Variants in RARB observed in about 807,000 individuals in gnomAD.
RARB encodes retinoic acid receptor beta.
Under a neutral mutation model 51.9 loss-of-function variants are expected in RARB, and 17 were observed. That is an observed-to-expected ratio of 0.33 (90% CI 0.22 to 0.49). The LOEUF is 0.49. Ranked by LOEUF, RARB falls within the 20% of genes least tolerant of loss-of-function variation. The pLI is 0.99. For synonymous variants in RARB, 215 were observed against 195.4 expected, an observed-to-expected ratio of 1.10 and a Z score of -0.84; for missense variants, 369 against 550.8, an observed-to-expected ratio of 0.67 and a Z score of 3.30.
intron 2 of RARB, among the ~76,000 whole-genome samples, chr3:25,009,713 C>G (rs73036555): frequency 0.066 from 10,003 of 152,128 alleles, 459 homozygotes; most frequent in Non-Finnish European, 0.1. Flanking sequence ...CACCAGGTCT[C>G]CCTTTCCAGC....
intron 2 of RARB, among the ~76,000 whole-genome samples, chr3:25,016,324 TA>T (rs1173736882): frequency 6.6e-6 from 1 of 152,184 alleles, no homozygotes; most frequent in Non-Finnish European, 1.5e-5. Context: ...TTGCCACTCA[TA>T]AGGTTTTGGG....
At chr3:25,401,226 G>A (rs978467359) in intron 5 of RARB, among the ~76,000 whole-genome samples, 1 of 152,092 alleles carries the variant, frequency 6.6e-6, no homozygotes, top group South Asian at 2.1e-4. Flanking sequence ...GGTAGACCTG[G>A]GCTGAGAAAG....
chr3:25,133,914 G>T, intron 4 of RARB, among the ~76,000 whole-genome samples: 1 of 144,858 alleles, frequency 6.9e-6, no homozygotes. Context: ...TTACAGTCCT[G>T]TTTGAACAAA....
At chr3:25,310,552 T>G (rs1365498142) in intron 5 of RARB, among the ~76,000 whole-genome samples, 2 of 152,206 alleles carry the variant, frequency 1.3e-5, no homozygotes, top group African/African-American at 4.8e-5. Flanking sequence ...CAAAATGCAG[T>G]ATGTTCAGAG....
chr3:25,050,968 G>C (rs985897765), intron 2 of RARB, among the ~76,000 whole-genome samples: 1 of 152,080 alleles, frequency 6.6e-6, no homozygotes, highest in East Asian at 1.9e-4. Context: ...ATGCTTTCCA[G>C]CTTCTAAAAA....
intron 2 of RARB, among the ~76,000 whole-genome samples, chr3:24,908,052 G>A (rs1293292945): frequency 6.6e-6 from 1 of 152,076 alleles, no homozygotes; most frequent in African/African-American, 2.4e-5. Context: ...CAGGATTTGA[G>A]AGGTATTCCT....
intron 5 of RARB, among the ~76,000 whole-genome samples, chr3:25,359,908 T>G (rs9835679): frequency 0.39 from 59,006 of 152,086 alleles, 11,975 homozygotes; most frequent in East Asian, 0.75. Context: ...TGTGGTTGAT[T>G]TTAGAATAAG....
intron 3 of RARB, among the ~76,000 whole-genome samples, chr3:25,061,313 G>T (rs1363645602): frequency 2.6e-5 from 4 of 151,700 alleles, no homozygotes; most frequent in African/African-American, 9.7e-5. Flanking sequence ...AAAGTGTACT[G>T]GGAAGAAATA....
intron 2 of RARB, among the ~76,000 whole-genome samples, chr3:24,873,305 CTCATTTAACT>C (rs201651736): frequency 0.017 from 2,585 of 152,192 alleles, 33 homozygotes; most frequent in Non-Finnish European, 0.024. Flanking sequence ...GTTATATGAC[CTCATTTAACT>C]TCATTTAACT....
chr3:24,834,061 G>A (rs2125327178), intron 1 of RARB, among the ~76,000 whole-genome samples: 1 of 152,284 alleles, frequency 6.6e-6, no homozygotes, highest in Non-Finnish European at 1.5e-5. Flanking sequence ...TCTAATGTTA[G>A]GAGGTTGAAC....
intron 2 of RARB, among the ~76,000 whole-genome samples, chr3:24,978,895 A>G (rs6787247): frequency 0.7 from 106,101 of 152,034 alleles, 37,337 homozygotes; most frequent in East Asian, 0.84. Context: ...ATTTAGTGCT[A>G]TATATTTCCC....
intron 5 of RARB, among the ~76,000 whole-genome samples, chr3:25,265,310 C>T (rs7635517): frequency 1.3e-5 from 2 of 152,152 alleles, no homozygotes; most frequent in South Asian, 2.1e-4. Flanking sequence ...TACAATTTTT[C>T]GGTACAAGAA....
chr3:24,890,400 T>C (rs1703355549), intron 2 of RARB, among the ~76,000 whole-genome samples: 1 of 152,208 alleles, frequency 6.6e-6, no homozygotes, highest in African/African-American at 2.4e-5. Context: ...ACATTGACTA[T>C]ATCTCAGGCT....
chr3:25,054,429 C>T (rs1698397538), intron 2 of RARB, among the ~76,000 whole-genome samples: 2 of 152,034 alleles, frequency 1.3e-5, no homozygotes. Flanking sequence ...AGCTGAATGT[C>T]CTCTTCTACC....
chr3:24,945,189 A>G (rs1695748051), intron 2 of RARB, among the ~76,000 whole-genome samples: 1 of 152,198 alleles, frequency 6.6e-6, no homozygotes, highest in Non-Finnish European at 1.5e-5. Flanking sequence ...TTATGGCCAT[A>G]GTGCGCTTTA....
At chr3:24,862,676 T>C (rs1702774423) in intron 2 of RARB, among the ~76,000 whole-genome samples, 1 of 152,172 alleles carries the variant, frequency 6.6e-6, no homozygotes, top group African/African-American at 2.4e-5. Flanking sequence ...GGTTTATATA[T>C]CTACAGTTTC....
At chr3:25,092,988 C>T (rs1316329096) in intron 3 of RARB, among the ~76,000 whole-genome samples, 1 of 152,106 alleles carries the variant, frequency 6.6e-6, no homozygotes, top group African/African-American at 2.4e-5. Flanking sequence ...ATTCCAATTG[C>T]CTTTCCACTA....
chr3:24,922,809 C>T (rs1179018531), intron 2 of RARB, among the ~76,000 whole-genome samples: 1 of 152,146 alleles, frequency 6.6e-6, no homozygotes, highest in Admixed American at 6.6e-5. Flanking sequence ...GCTTCCAACT[C>T]TGCCAAACAT....
intron 5 of RARB, among the ~76,000 whole-genome samples, chr3:25,210,254 C>A (rs1412999149): frequency 6.6e-6 from 1 of 152,154 alleles, no homozygotes; most frequent in Non-Finnish European, 1.5e-5. Flanking sequence ...CTCTTCATAT[C>A]ATTTCTCCTT....
Sources: allele counts gnomAD v4.1 joint callset (sites outside exome capture counted in the v4.1 genomes callset), GRCh38; gene constraint gnomAD v4.1.1; transcripts MANE v1.5; gene names NCBI Gene and HGNC (gene_info 2026-07-23, HGNC 2026-07-21).